FOXP2: variants seen among roughly 807,000 people sequenced by gnomAD.
FOXP2 encodes the protein forkhead box protein P2.
In FOXP2, 12 loss-of-function variants were observed where a neutral mutation model predicts 115.8. The ratio of observed to expected loss-of-function variants is 0.10; its 90% confidence interval spans 0.07 to 0.17. FOXP2 has a LOEUF of 0.17. FOXP2 is among the 10% of genes least tolerant of loss of function. The pLI is 1.00. For synonymous variants in FOXP2, 328 were observed against 297.7 expected (o/e 1.10, Z -1.05); for missense variants, 629 against 843.5 (o/e 0.75, Z 3.15).
chr7:114,323,353 C>G (rs994369315), intron 2 of FOXP2, among the ~76,000 whole-genome samples: 2 of 152,072 alleles, frequency 1.3e-5, no homozygotes, highest in African/African-American at 4.8e-5. Flanking sequence ...GTGAAATTGT[C>G]TTTCTCATTG....
At chr7:114,109,850 C>A (rs995302396) in intron 1 of FOXP2, among the ~76,000 whole-genome samples, 1 of 152,010 alleles carries the variant, frequency 6.6e-6, no homozygotes, top group South Asian at 2.1e-4. Flanking sequence ...ATAGAGATTT[C>A]TTTAATTTCC....
At chr7:114,189,045 T>C (rs749613529) in intron 1 of FOXP2, among the ~76,000 whole-genome samples, 12 of 152,196 alleles carry the variant, frequency 7.9e-5, no homozygotes, top group Non-Finnish European at 1.3e-4. Flanking sequence ...TAGTTCATTA[T>C]ATGACAAGGG....
intron 1 of FOXP2, among the ~76,000 whole-genome samples, chr7:114,253,742 A>G (rs1025721714): frequency 6.6e-5 from 10 of 152,132 alleles, no homozygotes; most frequent in Admixed American, 2.6e-4. Flanking sequence ...TTGACTCTTT[A>G]TCCAATTTGT....
At chr7:114,150,144 A>G (rs1383868679) in intron 1 of FOXP2, among the ~76,000 whole-genome samples, 3 of 152,092 alleles carry the variant, frequency 2.0e-5, no homozygotes, top group Non-Finnish European at 4.4e-5. Flanking sequence ...CAATTCTTAA[A>G]GGTAGATAAT....
intron 1 of FOXP2, among the ~76,000 whole-genome samples, chr7:114,122,934 A>G (rs1188460339): frequency 6.6e-6 from 1 of 151,984 alleles, no homozygotes; most frequent in African/African-American, 2.4e-5. Context: ...TTTTTTTCAC[A>G]GATTTATTTA....
chr7:114,425,862 A>G (rs1793822285), intron 1 of FOXP2, among the ~76,000 whole-genome samples: 1 of 151,676 alleles, frequency 6.6e-6, no homozygotes, highest in Non-Finnish European at 1.5e-5. Context: ...GAGCTGTTTG[A>G]TTAAAAAAAT....
At chr7:114,307,535 A>G (rs1255014799) in intron 2 of FOXP2, among the ~76,000 whole-genome samples, 2 of 152,150 alleles carry the variant, frequency 1.3e-5, no homozygotes, top group Non-Finnish European at 2.9e-5. Flanking sequence ...CTTTATATAC[A>G]AACATGTAAC....
chr7:114,280,586 A>G (rs189532637), intron 1 of FOXP2, among the ~76,000 whole-genome samples: 1 of 152,318 alleles, frequency 6.6e-6, no homozygotes, highest in East Asian at 1.9e-4. Context: ...GTTCTATGAA[A>G]AGTGAGATAC....
At chr7:114,645,066 C>A in intron 8 of FOXP2, 2 of 190,020 alleles carry the variant, frequency 1.1e-5, no homozygotes, top group South Asian at 7.8e-5. Context: ...TATAACAGAA[C>A]TATTTATAAA....
chr7:114,337,390 A>T (rs1232095392), intron 2 of FOXP2, among the ~76,000 whole-genome samples: 13 of 151,228 alleles, frequency 8.6e-5, no homozygotes, highest in African/African-American at 3.1e-4. Context: ...CTCAATATAT[A>T]TTTATTTTTC....
rs113219331 is a variant in FOXP2, at chr7:114,488,099, G to A, written c.169-46518G>A. On this transcript the variant is annotated intron_variant, in intron 2 of 16. Coordinates refer to ENST00000350908, the MANE Select transcript of FOXP2 (RefSeq NM_014491.4). Reference sequence around the variant, plus strand: ...ACTCACAGTTCCACATGGCTGGGGAGGACTCACAATTACGGTGGAAGGCAA... The same window carrying A: ...ACTCACAGTTCCACATGGCTGGGGAAGACTCACAATTACGGTGGAAGGCAA... Among the ~76,000 whole-genome samples, 1,039 of 152,242 alleles carry A rather than the reference G, an allele frequency of 6.8e-3. 10 individuals carry two copies. The highest frequency in any genetic ancestry group is 0.024 in the African/African-American group (987 of 41,530).
intron 4 of FOXP2, 58 bp from the exon 5 acceptor site, chr7:114,629,747 G>C: frequency 6.2e-7 from 1 of 1,611,862 alleles, no homozygotes; most frequent in Non-Finnish European, 8.5e-7. Context: ...GAGTTTAGGA[G>C]ATTTATAATA....
intron 7 of FOXP2, among the ~76,000 whole-genome samples, 189 bp downstream of exon 7, chr7:114,642,812 A>ATTTTTTTTTTT (rs869136743): frequency 2.8e-5 from 2 of 72,438 alleles, no homozygotes; most frequent in African/African-American, 7.1e-5. Context: ...ATATATATAT[A>ATTTTTTTTTTT]TTTTTTTTTT....
At chr7:114,291,236 C>G (rs368198010) in intron 2 of FOXP2, among the ~76,000 whole-genome samples, 13 of 152,210 alleles carry the variant, frequency 8.5e-5, no homozygotes, top group Middle Eastern at 3.4e-3. Context: ...CTCGTGTCCT[C>G]ACATGGCAGA....
chr7:114,591,502 T>C (rs1802435402), intron 3 of FOXP2, among the ~76,000 whole-genome samples: 1 of 151,896 alleles, frequency 6.6e-6, no homozygotes, highest in Admixed American at 6.6e-5. Flanking sequence ...TTATGTTCAG[T>C]TATATGTCAG....
intron 2 of FOXP2, among the ~76,000 whole-genome samples, chr7:114,524,819 A>T (rs181044151): frequency 1.3e-5 from 2 of 152,110 alleles, no homozygotes; most frequent in Admixed American, 6.5e-5. Context: ...TTCCTACCAT[A>T]CTAAAAGATT....
At chr7:114,100,930 G>A in intron 1 of FOXP2, among the ~76,000 whole-genome samples, 1 of 152,146 alleles carries the variant, frequency 6.6e-6, no homozygotes, top group East Asian at 1.9e-4. Flanking sequence ...GTCACAGATT[G>A]TCAACTGTGA....
At chr7:114,604,570 T>C (rs1159873229) in intron 3 of FOXP2, among the ~76,000 whole-genome samples, 2 of 152,198 alleles carry the variant, frequency 1.3e-5, no homozygotes, top group African/African-American at 2.4e-5. Flanking sequence ...AATAACTTTC[T>C]ATACGTTGGT....
chr7:114,119,535 G>T (rs1422658386), intron 1 of FOXP2, among the ~76,000 whole-genome samples: 3 of 151,918 alleles, frequency 2.0e-5, no homozygotes, highest in Non-Finnish European at 4.4e-5. Flanking sequence ...GAGCCCAGGA[G>T]TTTGAGACCA....
Sources: gnomAD v4.1 joint callset for allele counts (sites outside exome capture counted in the v4.1 genomes callset) on GRCh38, gnomAD v4.1.1 for gene constraint, MANE v1.5 for transcripts, NCBI Gene and HGNC (gene_info 2026-07-23, HGNC 2026-07-21) for gene names.